Variants in DPP10 observed in about 807,000 individuals in gnomAD.
The protein encoded by DPP10 is dipeptidyl peptidase like 10.
Under a neutral mutation model 120.9 loss-of-function variants are expected in DPP10, and 33 were observed. That is an observed-to-expected ratio of 0.27 (90% CI 0.21 to 0.37). The LOEUF is 0.37. Ranked by LOEUF, DPP10 falls within the 10% of genes least tolerant of loss-of-function variation. The pLI is 1.00. For synonymous variants in DPP10, 337 were observed against 326.1 expected (o/e 1.03, Z -0.36); for missense variants, 816 against 942.8 (o/e 0.87, Z 1.76).
intron 5 of DPP10, among the ~76,000 whole-genome samples, chr2:115,657,330 A>G (rs1419031417): frequency 6.6e-6 from 1 of 151,798 alleles, no homozygotes; most frequent in Non-Finnish European, 1.5e-5. Flanking sequence ...AAAATCAGTC[A>G]TTTAAAACTT....
chr2:114,975,732 C>A (rs1231711619), intron 1 of DPP10, among the ~76,000 whole-genome samples: 5 of 152,004 alleles, frequency 3.3e-5, no homozygotes, highest in Non-Finnish European at 7.4e-5. Flanking sequence ...TGCGCTGCAA[C>A]TTCGACCTCC....
At chr2:114,672,842 G>A (rs766162011) in intron 1 of DPP10, among the ~76,000 whole-genome samples, 48 of 152,142 alleles carry the variant, frequency 3.2e-4, no homozygotes, top group Non-Finnish European at 5.6e-4. Flanking sequence ...ACACTCTCAC[G>A]AGAGCACTGA....
chr2:115,192,735 CAT>C (rs1372698716), intron 1 of DPP10, among the ~76,000 whole-genome samples: 4 of 152,002 alleles, frequency 2.6e-5, no homozygotes, highest in Admixed American at 2.6e-4. Flanking sequence ...ACCTTGTAGA[CAT>C]ATTTATCCAA....
intron 1 of DPP10, among the ~76,000 whole-genome samples, chr2:114,717,298 T>C (rs1181071952): frequency 1.3e-5 from 2 of 152,238 alleles, no homozygotes; most frequent in East Asian, 3.8e-4. Flanking sequence ...GAGACTGTTT[T>C]GTGATTGATC....
At chr2:115,508,504 A>G (rs560729549) in intron 4 of DPP10, among the ~76,000 whole-genome samples, 1 of 152,346 alleles carries the variant, frequency 6.6e-6, no homozygotes, top group South Asian at 2.1e-4. Context: ...GGAATATAAG[A>G]ATGAAAGTTA....
chr2:114,738,188 G>T (rs142731568), intron 1 of DPP10, among the ~76,000 whole-genome samples: 184 of 152,222 alleles, frequency 1.2e-3, no homozygotes, highest in African/African-American at 4.2e-3. Flanking sequence ...CTCCCACCAG[G>T]CCCCTCTTTC....
chr2:115,023,776 A>G (rs1703249722), intron 1 of DPP10, among the ~76,000 whole-genome samples: 1 of 152,192 alleles, frequency 6.6e-6, no homozygotes, highest in Non-Finnish European at 1.5e-5. Context: ...ACGAGTAGAT[A>G]AAGAAAATGT....
chr2:115,074,542 C>T (rs919806286), intron 1 of DPP10, among the ~76,000 whole-genome samples: 5 of 152,168 alleles, frequency 3.3e-5, no homozygotes, highest in Admixed American at 3.3e-4. Context: ...AAGCAAGTTT[C>T]CTGACTCTAT....
chr2:115,629,859 C>A (rs565712667), intron 5 of DPP10, among the ~76,000 whole-genome samples: 4 of 151,930 alleles, frequency 2.6e-5, no homozygotes. Context: ...TTTGTTCTTG[C>A]CCAGAATTGT....
intron 1 of DPP10, among the ~76,000 whole-genome samples, chr2:115,278,095 T>TA (rs1429576673): frequency 2.0e-5 from 3 of 152,314 alleles, no homozygotes; most frequent in Non-Finnish European, 4.4e-5. Flanking sequence ...CATTTCTACT[T>TA]ACGCTATTCG....
intron 3 of DPP10, among the ~76,000 whole-genome samples, chr2:115,471,866 G>A (rs935363508): frequency 1.1e-4 from 16 of 151,890 alleles, no homozygotes; most frequent in Non-Finnish European, 2.1e-4. Flanking sequence ...GTGATCAACT[G>A]CCTCAGCCTC....
chr2:115,759,427 A>G (rs1679827824), intron 11 of DPP10, among the ~76,000 whole-genome samples: 2 of 151,772 alleles, frequency 1.3e-5, no homozygotes, highest in Admixed American at 1.3e-4. Flanking sequence ...ACTCAACTTC[A>G]TTAGACATTA....
intron 1 of DPP10, among the ~76,000 whole-genome samples, chr2:115,066,086 C>T (rs1029536909): frequency 1.1e-4 from 16 of 152,260 alleles, no homozygotes; most frequent in African/African-American, 3.6e-4. Context: ...ACAAGATCCA[C>T]GTTATTGCCT....
intron 1 of DPP10, among the ~76,000 whole-genome samples, chr2:115,176,747 G>A (rs922169659): frequency 6.6e-6 from 1 of 152,344 alleles, no homozygotes; most frequent in East Asian, 1.9e-4. Context: ...GAGGTTCAGA[G>A]AGGGAACCTC....
At chr2:115,786,753 T>A (rs2149892240) in intron 17 of DPP10, among the ~76,000 whole-genome samples, 1 of 152,300 alleles carries the variant, frequency 6.6e-6, no homozygotes, top group African/African-American at 2.4e-5. Context: ...TCAGAAAGAT[T>A]GAGGCTTATG....
chr2:115,071,296 A>G (rs529398908), intron 1 of DPP10, among the ~76,000 whole-genome samples: 7 of 152,130 alleles, frequency 4.6e-5, no homozygotes, highest in Admixed American at 1.3e-4. Flanking sequence ...TCCACGTCCC[A>G]TGCAGTGTAT....
At chr2:115,239,921 A>G (rs145947514) in intron 1 of DPP10, among the ~76,000 whole-genome samples, 9,535 of 152,224 alleles carry the variant, frequency 0.063, 335 homozygotes, top group Middle Eastern at 0.11. Flanking sequence ...GTCCCTGCAA[A>G]GGACATGAAC....
At chr2:115,321,701 T>G (rs2062072813) in intron 2 of DPP10, among the ~76,000 whole-genome samples, 1 of 152,086 alleles carries the variant, frequency 6.6e-6, no homozygotes, top group Non-Finnish European at 1.5e-5. Context: ...TGTCTTAGGC[T>G]TTGCTCATTT....
At chr2:114,744,033 T>C (rs1188588489) in intron 1 of DPP10, among the ~76,000 whole-genome samples, 1 of 152,230 alleles carries the variant, frequency 6.6e-6, no homozygotes, top group Middle Eastern at 3.2e-3. Context: ...TGGTGGCATT[T>C]GAAGTGGACT....
Sources: gnomAD v4.1 joint callset for allele counts (sites outside exome capture counted in the v4.1 genomes callset) on GRCh38, gnomAD v4.1.1 for gene constraint, MANE v1.5 for transcripts, NCBI Gene and HGNC (gene_info 2026-07-23, HGNC 2026-07-21) for gene names.